The following EFR3A variants were observed in gnomAD, a reference collection of about 807,000 sequenced individuals.
EFR3A encodes protein EFR3 homolog A.
In EFR3A, 76 loss-of-function variants were observed where a neutral mutation model predicts 104.4. That is an observed-to-expected ratio of 0.73 (90% CI 0.60 to 0.88). The LOEUF (loss-of-function observed/expected upper bound fraction) is 0.88. EFR3A is among the 40% of genes least tolerant of loss of function. EFR3A has a pLI of 0.00. For synonymous variants in EFR3A, 330 were observed against 330.0 expected, an observed-to-expected ratio of 1.00 and a Z score of 0.00; for missense variants, 985 against 1,012.5, an observed-to-expected ratio of 0.97 and a Z score of 0.37.
Position 131,909,548 on chromosome 8 carries a change from A to G in EFR3A, c.10+5226A>G, listed in dbSNP as rs543309213. Among the ~76,000 whole-genome samples the G allele has an allele frequency of 4.6e-5, 7 of 152,212 alleles. No individual in the cohort carries two copies. The South Asian group carries it at 1.5e-3, about 32-fold the overall frequency. ...GCAACAGAGTAAGACCTATCTCTAA[A>G]AAGGAAAATATATATATATTTAGTT... On this transcript the variant is annotated intron_variant, in intron 1 of 22. Coordinates refer to ENST00000254624, the MANE Select transcript of EFR3A (RefSeq NM_015137.6).
chr8:131,927,439 C>A (rs1817357210), intron 1 of EFR3A, among the ~76,000 whole-genome samples: 1 of 152,062 alleles, frequency 6.6e-6, no homozygotes, highest in South Asian at 2.1e-4. Context: ...GTTACTGTTC[C>A]CCAAACTTGA....
At chr8:131,940,276 A>G in intron 1 of EFR3A, 2 of 530,772 alleles carry the variant, frequency 3.8e-6, no homozygotes, top group Admixed American at 3.2e-5. Flanking sequence ...CGGGATGTGT[A>G]TGCATGTTAC....
Position 131,976,956 on chromosome 8 carries a change from A to G in EFR3A, c.1275-85A>G, listed in dbSNP as rs547382523. ...AATAAAATCTATTTAGCCAATAAGAATAGAATTTTAAAATCAGTAATTGAA... is the reference window on the plus strand; with the variant it reads ...AATAAAATCTATTTAGCCAATAAGAGTAGAATTTTAAAATCAGTAATTGAA... On this transcript the variant is annotated intron_variant, in intron 11 of 22. Transcript: ENST00000254624. 11 of 950,370 alleles carry G rather than the reference A, an allele frequency of 1.2e-5. No homozygotes were observed. The East Asian group carries it at 1.7e-4, about 15-fold the overall frequency. 58.9% of individuals were successfully genotyped at this position (950,370 alleles called of 1,614,324 possible). A position where few individuals can be genotyped will look rare whatever the true frequency, so the allele number is the denominator to read the frequency against.
Position 131,946,648 on chromosome 8 carries a change from T to C in EFR3A, c.366+15T>C, listed in dbSNP as rs767267967. 5 of 1,559,288 alleles carry C rather than the reference T, an allele frequency of 3.2e-6. No homozygotes were observed. Among genetic ancestry groups the C allele is most frequent in the Non-Finnish European group, 4.3e-6 (5 of 1,153,222 alleles). ...GAACAAATTCTGTGAGTAAAACTAT[T>C]CTGTTACTAAATGTATGCTTAATTA... On this transcript the variant is annotated intron_variant, in intron 4 of 22. Transcript: ENST00000254624.
chr8:131,905,925 G>T (rs1454479851), intron 1 of EFR3A, among the ~76,000 whole-genome samples: 1 of 152,196 alleles, frequency 6.6e-6, no homozygotes, highest in Non-Finnish European at 1.5e-5. Context: ...TAGTAAACTC[G>T]TTTCTTTTCA....
In EFR3A at chr8:131,904,175, GCTCCCTC is replaced by G. The variant is rs1166585377; in HGVS notation, c.-136_-130del. 3.9e-6 allele frequency: 4 copies of G among 1,015,796 alleles called. No individual in the cohort carries two copies. The highest frequency in any genetic ancestry group is 3.3e-5 in the African/African-American group (2 of 59,894). The allele number at this position is 1,015,796 out of a possible 1,614,324, so 62.9% of individuals were successfully genotyped here. On this transcript the variant is annotated 5_prime_UTR_variant, in exon 1 of 23. Coordinates refer to ENST00000254624, the MANE Select transcript of EFR3A (RefSeq NM_015137.6). ...TTGCGTGACCGCGGGGTCCGCGTCCGCTCCCTCCACCCTTCGCCCTTCGCCCTTCGCC... is the reference window on the plus strand; with the variant it reads ...TTGCGTGACCGCGGGGTCCGCGTCCGCACCCTTCGCCCTTCGCCCTTCGCC...
rs1286115802 is a variant in EFR3A at position 131,972,255 on chromosome 8, C to CT, written c.1159+1612_1159+1613insT. ...CAAGACATCCCCCCACCTCCCTGAA[C>CT]CTTTTTTTTTTTTTTTTAAAGCACT... On this transcript the variant is annotated intron_variant, in intron 10 of 22. Transcript: ENST00000254624. Among the ~76,000 whole-genome samples, 5 of 61,462 alleles carry CT rather than the reference C, an allele frequency of 8.1e-5. No homozygotes were observed. The Admixed American group carries it at 9.1e-4, about 11-fold the overall frequency. The allele number at this position is 61,462 out of a possible 152,430, so 40.3% of individuals were successfully genotyped here.
Position 132,008,846 on chromosome 8 carries a change from CAAAAAAAAAAAA to C in EFR3A, c.2361-1927_2361-1916del, listed in dbSNP as rs55964352. 2.6e-3 allele frequency among the ~76,000 whole-genome samples: 83 copies of C among 32,176 alleles called. 1 individual carries two copies. The East Asian group carries it at 0.03, about 12-fold the overall frequency. 21.1% of individuals were successfully genotyped at this position (32,176 alleles called of 152,430 possible). ...GGGTGACAAGAGTAAAACTCCATCTCAAAAAAAAAAAAAAAAAAAAAAAAAAAAGAAAGTGTT... is the reference window on the plus strand; with the variant it reads ...GGGTGACAAGAGTAAAACTCCATCTCAAAAAAAAAAAAAAAAGAAAGTGTT... On this transcript the variant is annotated intron_variant, in intron 22 of 22. Transcript: ENST00000254624.
intron 14 of EFR3A, among the ~76,000 whole-genome samples, 164 bp downstream of exon 14, chr8:131,979,585 T>G (rs188799296): frequency 7.2e-5 from 11 of 152,260 alleles, no homozygotes; most frequent in Admixed American, 6.5e-4. Flanking sequence ...AACATTCCTG[T>G]CGGTGTCTCC....
intron 6 of EFR3A, among the ~76,000 whole-genome samples, chr8:131,955,028 G>A (rs6471012): frequency 0.87 from 132,259 of 152,070 alleles, 57,683 homozygotes; most frequent in East Asian, 0.94. Context: ...TATTTTTCCT[G>A]TTCTTGGCAC....
In EFR3A at chr8:131,986,262, G is replaced by A; in HGVS notation, c.1937+1G>A. On this transcript the variant is annotated splice_donor_variant, in intron 17 of 22. Coordinates refer to ENST00000254624, the MANE Select transcript of EFR3A (RefSeq NM_015137.6). LOFTEE classifies it high-confidence loss of function. Reference sequence around the variant, plus strand: ...AGCATATCTTCAGAGATAAGTGCATGTATGTTAATTCTTTACATTTTAAGG... The same window carrying A: ...AGCATATCTTCAGAGATAAGTGCATATATGTTAATTCTTTACATTTTAAGG... The A allele has an allele frequency of 6.5e-7, 1 of 1,541,376 alleles. No individual in the cohort carries two copies. The highest frequency in any genetic ancestry group is 8.9e-7 in the Non-Finnish European group (1 of 1,119,938).
At chr8:131,952,172 C>A (rs1346501349) in intron 5 of EFR3A, among the ~76,000 whole-genome samples, 2 of 152,118 alleles carry the variant, frequency 1.3e-5, no homozygotes, top group East Asian at 3.8e-4. Flanking sequence ...TTGTCATCAT[C>A]CTCGTCGTGG....
chr8:132,010,407 GATATATATATATATATAT>G (rs66644698), intron 22 of EFR3A, among the ~76,000 whole-genome samples: 34 of 81,890 alleles, frequency 4.2e-4, no homozygotes, highest in African/African-American at 1.0e-3. Flanking sequence ...TCAAGTATGA[GATATATATATATATATAT>G]ATATATATAT....
At chr8:131,957,350 CTTT>C (rs1185442281) in intron 7 of EFR3A, among the ~76,000 whole-genome samples, 11 of 125,942 alleles carry the variant, frequency 8.7e-5, no homozygotes, top group Non-Finnish European at 1.0e-4. Context: ...GGGCCAGGGT[CTTT>C]TTTTTTTTTT....
At chr8:131,940,739 A>G (rs1818130438) in intron 2 of EFR3A, 164 bp downstream of exon 2, 6 of 1,173,722 alleles carry the variant, frequency 5.1e-6, no homozygotes, top group Non-Finnish European at 6.8e-6. Context: ...TAAATGACCC[A>G]TGCTTGCTTG....
At chr8:131,947,931 A>G (rs776459175) in intron 4 of EFR3A, among the ~76,000 whole-genome samples, 52 of 151,994 alleles carry the variant, frequency 3.4e-4, no homozygotes, top group Non-Finnish European at 7.2e-4. Flanking sequence ...ATTTTCTTCT[A>G]TCTTGAACCA....
rs529377593 is a variant in EFR3A at position 131,939,282 on chromosome 8, C to T, written c.11-1217C>T. On this transcript the variant is annotated intron_variant, in intron 1 of 22. Coordinates refer to ENST00000254624, the MANE Select transcript of EFR3A (RefSeq NM_015137.6). ...AAGTAACGCACCCAGCCCAGCTGGA[C>T]GGAGGGAGACTGATTCACTTCAGAT... Among the ~76,000 whole-genome samples the T allele has an allele frequency of 1.1e-4, 17 of 152,186 alleles. No individual in the cohort carries two copies. The South Asian group carries it at 2.3e-3, about 20-fold the overall frequency.
intron 1 of EFR3A, among the ~76,000 whole-genome samples, chr8:131,928,251 G>C (rs1232799159): frequency 6.6e-6 from 1 of 152,104 alleles, no homozygotes; most frequent in Non-Finnish European, 1.5e-5. Flanking sequence ...ATAAGAATAA[G>C]ATAGTTGCCC....
At chr8:131,970,699 T>G in intron 10 of EFR3A, 56 bp downstream of exon 10, 2 of 1,492,152 alleles carry the variant, frequency 1.3e-6, no homozygotes, top group Non-Finnish European at 1.8e-6. Context: ...TACAAAGCTC[T>G]CACATAAGGT....
Sources: allele counts gnomAD v4.1 joint callset (sites outside exome capture counted in the v4.1 genomes callset), GRCh38; gene constraint gnomAD v4.1.1; transcripts MANE v1.5; gene names NCBI Gene and HGNC (gene_info 2026-07-23, HGNC 2026-07-21).